Variants in CSGALNACT1 observed in about 807,000 individuals in gnomAD.
The protein encoded by CSGALNACT1 is beta4GalNAcT-1.
A neutral mutation model predicts 51.0 loss-of-function variants in CSGALNACT1; 52 were observed. The observed-to-expected ratio is 1.02, with a 90% CI of 0.82 to 1.29. The LOEUF is 1.29. Ranked by LOEUF, CSGALNACT1 falls within the 50% of genes most tolerant of loss-of-function variation. The pLI, the probability that CSGALNACT1 is intolerant of heterozygous loss-of-function variation, is 0.00. For missense variants in CSGALNACT1, 935 were observed against 679.2 expected, an observed-to-expected ratio of 1.38 and a Z score of -4.19; for synonymous variants, 341 against 254.4, an observed-to-expected ratio of 1.34 and a Z score of -3.24.
At chr8:19,486,691 A>T (rs555048987) in intron 4 of CSGALNACT1, among the ~76,000 whole-genome samples, 1 of 152,142 alleles carries the variant, frequency 6.6e-6, no homozygotes, top group African/African-American at 2.4e-5. Flanking sequence ...CTTATTTCAG[A>T]TTGTATTATC....
chr8:19,702,850 G>A (rs2061956738), intron 1 of CSGALNACT1, among the ~76,000 whole-genome samples: 1 of 152,108 alleles, frequency 6.6e-6, no homozygotes, highest in Non-Finnish European at 1.5e-5. Flanking sequence ...GGGTTTCAGG[G>A]TCTCCCCTAA....
At chr8:19,423,839 C>T (rs575013844) in intron 6 of CSGALNACT1, among the ~76,000 whole-genome samples, 1 of 152,146 alleles carries the variant, frequency 6.6e-6, no homozygotes, top group Non-Finnish European at 1.5e-5. Context: ...ATGGCACTAC[C>T]CAATCTGAAT....
Position 19,505,781 on chromosome 8 carries a change from C to T in CSGALNACT1, c.54G>A (p.Leu18=), listed in dbSNP as rs138625327. 14 of 1,613,824 alleles carry T rather than the reference C, an allele frequency of 8.7e-6. No homozygotes were observed. In the African/African-American group the frequency reaches 1.6e-4, roughly 18 times the overall value. ...AGATAGCACAGCAGAGGAGCACCAG[C>T]AAAACCACCACCCGGGAAATCCACG... Residue 18 remains leucine (L), a synonymous_variant, in exon 4 of 10, where the codon TTG becomes TTA. Coordinates refer to ENST00000454498, the Ensembl canonical transcript of CSGALNACT1.
At chr8:19,597,644 A>C (rs1328199947) in intron 2 of CSGALNACT1, among the ~76,000 whole-genome samples, 2 of 152,152 alleles carry the variant, frequency 1.3e-5, no homozygotes, top group African/African-American at 4.8e-5. Flanking sequence ...TAAGCAGGCA[A>C]AGTGCCGGAG....
chr8:19,610,104 C>G (rs373816911), intron 1 of CSGALNACT1, among the ~76,000 whole-genome samples: 1 of 150,714 alleles, frequency 6.6e-6, no homozygotes, highest in Middle Eastern at 3.4e-3. Flanking sequence ...TGCCTGTAAC[C>G]CCAGCTAAAA....
At chr8:19,463,212 C>T (rs1357333910) in intron 4 of CSGALNACT1, among the ~76,000 whole-genome samples, 1 of 152,142 alleles carries the variant, frequency 6.6e-6, no homozygotes, top group Admixed American at 6.5e-5. Flanking sequence ...TTTTCTTTAT[C>T]CAGTCCACTG....
Position 19,469,880 on chromosome 8 carries a change from T to A in CSGALNACT1, c.635-11238A>T, listed in dbSNP as rs117583608. Among the ~76,000 whole-genome samples, 831 of 152,246 alleles carry A rather than the reference T, an allele frequency of 5.5e-3. 3 individuals carry two copies. Among genetic ancestry groups the A allele is most frequent in the Non-Finnish European group, 8.1e-3 (548 of 68,010 alleles). On this transcript the variant is annotated intron_variant, in intron 4 of 9. Coordinates refer to ENST00000454498, the Ensembl canonical transcript of CSGALNACT1. The stretch of plus-strand genomic sequence containing the variant: ...AGGTACACTCTGTGAAACCAGAACT[T>A]GGTGTCTGCAACCCTAATGAATATT...
chr8:19,744,994 G>A (rs765097803), intron 1 of CSGALNACT1, among the ~76,000 whole-genome samples: 2 of 152,074 alleles, frequency 1.3e-5, no homozygotes, highest in Non-Finnish European at 2.9e-5. Context: ...TATTACTCTT[G>A]GTACCCATAA....
intron 4 of CSGALNACT1, among the ~76,000 whole-genome samples, chr8:19,472,904 T>C (rs1177540594): frequency 1.3e-5 from 2 of 152,230 alleles, no homozygotes; most frequent in African/African-American, 2.4e-5. Context: ...TAAATAAATA[T>C]ATGTAAAACA....
intron 1 of CSGALNACT1, among the ~76,000 whole-genome samples, chr8:19,756,504 AG>A (rs1332112332): frequency 6.6e-6 from 1 of 152,194 alleles, no homozygotes; most frequent in Admixed American, 6.5e-5. Context: ...ATGCAGGTGC[AG>A]GAAGTGCGAC....
At chr8:19,725,379 A>G (rs910818151) in intron 1 of CSGALNACT1, among the ~76,000 whole-genome samples, 10 of 151,086 alleles carry the variant, frequency 6.6e-5, no homozygotes, top group African/African-American at 2.4e-4. Context: ...GCATAAAAAT[A>G]CCTGAATTTC....
intron 1 of CSGALNACT1, among the ~76,000 whole-genome samples, chr8:19,617,131 C>G (rs546356330): frequency 6.6e-6 from 1 of 152,254 alleles, no homozygotes. Flanking sequence ...TCATAAGGAG[C>G]GCACAACCTA....
At chr8:19,640,118 A>G (rs2056568582) in intron 1 of CSGALNACT1, among the ~76,000 whole-genome samples, 1 of 152,102 alleles carries the variant, frequency 6.6e-6, no homozygotes, top group Non-Finnish European at 1.5e-5. Flanking sequence ...GGGAAATAAC[A>G]AAGATATATA....
At chr8:19,499,090 G>C (rs1357020879) in intron 4 of CSGALNACT1, among the ~76,000 whole-genome samples, 1 of 152,172 alleles carries the variant, frequency 6.6e-6, no homozygotes, top group Non-Finnish European at 1.5e-5. Context: ...ACTCCAGCCT[G>C]AGCAACAGAG....
chr8:19,650,293 C>G (rs1285972912), intron 1 of CSGALNACT1, among the ~76,000 whole-genome samples: 3 of 152,090 alleles, frequency 2.0e-5, no homozygotes, highest in Non-Finnish European at 2.9e-5. Context: ...GAAAGCTAGA[C>G]AAAGAAATAG....
At chr8:19,514,353 G>T (rs933447363) in intron 3 of CSGALNACT1, among the ~76,000 whole-genome samples, 1 of 151,412 alleles carries the variant, frequency 6.6e-6, no homozygotes, top group African/African-American at 2.4e-5. Flanking sequence ...CAGCTGCCTT[G>T]GTGGCCCTAG....
At chr8:19,721,843 G>A (rs2063146524) in intron 1 of CSGALNACT1, among the ~76,000 whole-genome samples, 1 of 151,994 alleles carries the variant, frequency 6.6e-6, no homozygotes, top group Non-Finnish European at 1.5e-5. Context: ...ATACTTCTAT[G>A]GATCATTAAA....
intron 1 of CSGALNACT1, among the ~76,000 whole-genome samples, chr8:19,707,694 A>T (rs1321415368): frequency 1.6e-5 from 2 of 124,166 alleles, no homozygotes; most frequent in Non-Finnish European, 3.5e-5. Context: ...TCCACAAAAA[A>T]ACCCCTAAAC....
At chr8:19,497,102 G>A (rs2075625648) in intron 4 of CSGALNACT1, among the ~76,000 whole-genome samples, 1 of 152,172 alleles carries the variant, frequency 6.6e-6, no homozygotes, top group African/African-American at 2.4e-5. Context: ...GTGGGGACAG[G>A]AAAATACCCT....
Sources: gnomAD v4.1 joint callset for allele counts (sites outside exome capture counted in the v4.1 genomes callset) on GRCh38, gnomAD v4.1.1 for gene constraint, MANE v1.5 for transcripts, NCBI Gene and HGNC (gene_info 2026-07-23, HGNC 2026-07-21) for gene names.